ITPR1: variants seen among roughly 807,000 people sequenced by gnomAD.
ITPR1 encodes inositol 1,4,5-trisphosphate-gated calcium channel ITPR1.
Under a neutral mutation model 318.4 loss-of-function variants are expected in ITPR1, and 96 were observed. The observed-to-expected ratio is 0.30, with a 90% CI of 0.26 to 0.36. ITPR1 has a LOEUF of 0.36. Ranked by LOEUF, ITPR1 falls within the 10% of genes least tolerant of loss-of-function variation. ITPR1 has a pLI of 1.00. For synonymous variants in ITPR1, 1,312 were observed against 1,289.9 expected (o/e 1.02, Z -0.37); for missense variants, 2,440 against 3,460.2 (o/e 0.71, Z 7.40).
chr3:4,712,174 C>T (rs978494665), intron 39 of ITPR1, among the ~76,000 whole-genome samples: 1 of 152,168 alleles, frequency 6.6e-6, no homozygotes, highest in African/African-American at 2.4e-5. Context: ...GAGCAAATGC[C>T]TCTTTTGTAT....
intron 44 of ITPR1, among the ~76,000 whole-genome samples, chr3:4,748,206 C>G (rs183090127): frequency 6.6e-6 from 1 of 152,332 alleles, no homozygotes; most frequent in East Asian, 1.9e-4. Context: ...CCTCAGAAGT[C>G]TCTCAGCTTT....
At chr3:4,769,530 A>T (rs1297884369) in intron 46 of ITPR1, among the ~76,000 whole-genome samples, 2 of 152,264 alleles carry the variant, frequency 1.3e-5, no homozygotes, top group African/African-American at 2.4e-5. Flanking sequence ...ATTTACAGAA[A>T]GAGGTGCTCA....
At chr3:4,794,997 C>T in intron 52 of ITPR1, 68 bp from the exon 53 acceptor site, 1 of 1,497,902 alleles carries the variant, frequency 6.7e-7, no homozygotes. Context: ...GCGGAAGGGC[C>T]ACATTGCATT....
chr3:4,807,466 G>GT (rs1287116671), intron 55 of ITPR1, among the ~76,000 whole-genome samples: 1 of 152,174 alleles, frequency 6.6e-6, no homozygotes, highest in Non-Finnish European at 1.5e-5. Flanking sequence ...TGAGAACAGT[G>GT]TATCTCCCTC....
In ITPR1 at chr3:4,846,128, T is replaced by C. The variant is rs1373059889; in HGVS notation, c.8191-11T>C. 3 of 1,532,716 alleles carry C rather than the reference T, an allele frequency of 2.0e-6. No homozygotes were observed. In the South Asian group the frequency reaches 3.7e-5, roughly 19 times the overall value. The allele number at this position is 1,532,716 out of a possible 1,614,324, so 94.9% of individuals were successfully genotyped here. On this transcript the variant is annotated splice_polypyrimidine_tract_variant and intron_variant, in intron 61 of 61. Coordinates refer to ENST00000649015, the MANE Select transcript of ITPR1 (RefSeq NM_001378452.1). The stretch of plus-strand genomic sequence containing the variant: ...ATCTGGGTCTAATGATGAAACTTTT[T>C]AACTTTCCAGATGACAGAACAAAGG...
intron 44 of ITPR1, among the ~76,000 whole-genome samples, chr3:4,754,764 A>T (rs901617852): frequency 6.6e-6 from 1 of 152,180 alleles, no homozygotes. Flanking sequence ...CTCTTGGAGG[A>T]TTACCAAGGA....
Position 4,528,355 on chromosome 3 carries a change from C to T in ITPR1, c.163+7261C>T, listed in dbSNP as rs564434306. Among the ~76,000 whole-genome samples the T allele has an allele frequency of 6.6e-5, 10 of 152,146 alleles. No homozygotes were observed. In the East Asian group the frequency reaches 9.6e-4, roughly 15 times the overall value. ...AAGATAGATGAGTGCTGGTAATAGC[C>T]AGGCCTTAACCTTACCCTTAGGCCA... On this transcript the variant is annotated intron_variant, in intron 4 of 61. Coordinates refer to ENST00000649015, the MANE Select transcript of ITPR1 (RefSeq NM_001378452.1).
intron 21 of ITPR1, among the ~76,000 whole-genome samples, chr3:4,673,916 T>C (rs937452492): frequency 6.6e-6 from 1 of 152,200 alleles, no homozygotes; most frequent in Non-Finnish European, 1.5e-5. Context: ...TTATCTCCTC[T>C]TTCATTCTGC....
Position 4,795,196 on chromosome 3 carries a change from A to G in ITPR1, c.6931+9A>G. On this transcript the variant is annotated intron_variant, in intron 53 of 61. Coordinates refer to ENST00000649015, the MANE Select transcript of ITPR1 (RefSeq NM_001378452.1). ...TAAGGGAGTCCGAGGAGGTACCCAT[A>G]TCTTTAACTTCAAAAATCCTATTAG... 1.2e-6 allele frequency: 2 copies of G among 1,610,906 alleles called. No homozygotes were observed. Among genetic ancestry groups the G allele is most frequent in the Non-Finnish European group, 1.7e-6 (2 of 1,178,672 alleles).
intron 4 of ITPR1, among the ~76,000 whole-genome samples, chr3:4,605,137 A>G (rs1221216297): frequency 6.6e-6 from 1 of 152,090 alleles, no homozygotes; most frequent in East Asian, 1.9e-4. Flanking sequence ...ATGCCTAGCT[A>G]ATGTTTTACA....
chr3:4,730,462 G>C (rs1261514347), intron 42 of ITPR1, among the ~76,000 whole-genome samples: 1 of 150,566 alleles, frequency 6.6e-6, no homozygotes, highest in African/African-American at 2.4e-5. Context: ...CTCTTATGGG[G>C]GAAAATGTAC....
intron 3 of ITPR1, 71 bp from the exon 4 acceptor site, chr3:4,520,953 C>A: frequency 8.6e-7 from 1 of 1,164,986 alleles, no homozygotes. Flanking sequence ...CCTGGGATAT[C>A]TGATTTTTGC....
In ITPR1 at chr3:4,675,048, C is replaced by T. The variant is rs755430131; in HGVS notation, c.2599-20C>T. On this transcript the variant is annotated intron_variant, in intron 22 of 61. Transcript: ENST00000649015. ...GCAGTTTATGTAATACCGTCTTCTT[C>T]TTTTATTTTAATACAATAGGTTGTA... is the stretch of plus-strand genomic sequence containing the variant. 1 of 1,395,200 alleles carries T rather than the reference C, an allele frequency of 7.2e-7. No homozygotes were observed. The highest frequency in any genetic ancestry group is 1.0e-6 in the Non-Finnish European group (1 of 988,366). The allele number at this position is 1,395,200 out of a possible 1,614,324, so 86.4% of individuals were successfully genotyped here.
At chr3:4,748,445 A>ATTT (rs34606150) in intron 44 of ITPR1, among the ~76,000 whole-genome samples, 6 of 151,450 alleles carry the variant, frequency 4.0e-5, no homozygotes, top group East Asian at 1.9e-4. Context: ...ATGGAAGCAC[A>ATTT]TTTTTTTTTA....
intron 12 of ITPR1, among the ~76,000 whole-genome samples, chr3:4,657,235 T>C (rs960133143): frequency 1.5e-4 from 23 of 152,180 alleles, no homozygotes; most frequent in South Asian, 1.2e-3. Context: ...AGGTTTATTT[T>C]GTTTTAGTTT....
intron 42 of ITPR1, among the ~76,000 whole-genome samples, chr3:4,732,431 C>T (rs1268078499): frequency 6.6e-6 from 1 of 152,126 alleles, no homozygotes; most frequent in African/African-American, 2.4e-5. Context: ...TTCCCCTTCT[C>T]TCCTGTATTG....
intron 6 of ITPR1, among the ~76,000 whole-genome samples, 192 bp downstream of exon 6, chr3:4,639,662 C>T (rs1265248512): frequency 2.0e-5 from 3 of 152,178 alleles, no homozygotes; most frequent in African/African-American, 7.2e-5. Flanking sequence ...GGTCATCTCT[C>T]AGCGTGAGCA....
chr3:4,834,930 T>A (rs944182973), intron 60 of ITPR1, among the ~76,000 whole-genome samples: 1 of 152,182 alleles, frequency 6.6e-6, no homozygotes, highest in African/African-American at 2.4e-5. Flanking sequence ...CCTCCAGCAG[T>A]CACGATAAGC....
chr3:4,629,149 C>A (rs931949469), intron 5 of ITPR1, among the ~76,000 whole-genome samples: 16 of 152,164 alleles, frequency 1.1e-4, no homozygotes, highest in Admixed American at 2.6e-4. Flanking sequence ...CCCTGCTGCC[C>A]CCACAGAGGC....
Sources: allele counts gnomAD v4.1 joint callset (sites outside exome capture counted in the v4.1 genomes callset), GRCh38; gene constraint gnomAD v4.1.1; transcripts MANE v1.5; gene names NCBI Gene and HGNC (gene_info 2026-07-23, HGNC 2026-07-21).